RBFOX1: variants seen among roughly 807,000 people sequenced by gnomAD.
The protein encoded by RBFOX1 is RNA binding protein fox-1 homolog 1.
A neutral mutation model predicts 57.7 loss-of-function variants in RBFOX1; 8 were observed. The ratio of observed to expected loss-of-function variants is 0.14; its 90% CI spans 0.08 to 0.25. The LOEUF is 0.25. Among genes scored for constraint, RBFOX1 ranks in the 10% least tolerant of loss-of-function variants. RBFOX1 has a pLI of 1.00. For missense variants in RBFOX1, 611 were observed against 548.5 expected (o/e 1.11, Z -1.14); for synonymous variants, 326 against 222.4 (o/e 1.47, Z -4.15).
intron 2 of RBFOX1, among the ~76,000 whole-genome samples, chr16:6,445,024 A>C (rs936914421): frequency 7.9e-5 from 12 of 152,006 alleles, no homozygotes; most frequent in Non-Finnish European, 1.3e-4. Flanking sequence ...TCCAGGCAGG[A>C]GATGATGAGA....
At chr16:6,519,439 G>A (rs904702366) in intron 2 of RBFOX1, among the ~76,000 whole-genome samples, 1 of 152,142 alleles carries the variant, frequency 6.6e-6, no homozygotes, top group South Asian at 2.1e-4. Flanking sequence ...AGTGGCTCAT[G>A]GCTGTAATCC....
At chr16:6,693,389 A>G (rs951782540) in intron 3 of RBFOX1, among the ~76,000 whole-genome samples, 6 of 151,054 alleles carry the variant, frequency 4.0e-5, no homozygotes, top group Non-Finnish European at 8.8e-5. Context: ...CTCCACTAGA[A>G]TCACCATCCC....
intron 4 of RBFOX1, among the ~76,000 whole-genome samples, chr16:7,407,337 A>G (rs565488905): frequency 1.3e-5 from 2 of 151,680 alleles, no homozygotes; most frequent in Non-Finnish European, 1.5e-5. Context: ...AAAGTAAAGG[A>G]AAAGCATAGA....
At chr16:7,049,113 C>A (rs1458156828) in intron 3 of RBFOX1, among the ~76,000 whole-genome samples, 3 of 152,108 alleles carry the variant, frequency 2.0e-5, no homozygotes, top group Admixed American at 2.0e-4. Context: ...GTGATTTTCC[C>A]AAATTATTTT....
At chr16:6,445,166 G>C (rs939738083) in intron 2 of RBFOX1, among the ~76,000 whole-genome samples, 12 of 152,102 alleles carry the variant, frequency 7.9e-5, no homozygotes, top group Admixed American at 2.0e-4. Context: ...GATCAGCAGG[G>C]AACATGAGAA....
chr16:5,758,252 GA>G (rs372478023), intron 3 of RBFOX1, among the ~76,000 whole-genome samples: 20 of 152,262 alleles, frequency 1.3e-4, no homozygotes, highest in Non-Finnish European at 2.5e-4. Context: ...TTCATGGGGG[GA>G]AAAAGTTGAA....
At chr16:6,202,612 T>C (rs532002811) in intron 1 of RBFOX1, among the ~76,000 whole-genome samples, 9 of 152,226 alleles carry the variant, frequency 5.9e-5, no homozygotes, top group Admixed American at 3.9e-4. Flanking sequence ...TTTATTGAGG[T>C]ATAATTGGTA....
chr16:6,007,489 A>C (rs2094934639), intron 4 of RBFOX1, among the ~76,000 whole-genome samples: 1 of 152,168 alleles, frequency 6.6e-6, no homozygotes, highest in South Asian at 2.1e-4. Context: ...TGACATGTTG[A>C]TTCCAGCCTT....
intron 3 of RBFOX1, among the ~76,000 whole-genome samples, chr16:6,676,127 GAC>G (rs750878616): frequency 3.2e-5 from 4 of 125,492 alleles, no homozygotes; most frequent in African/African-American, 6.4e-5. Flanking sequence ...CTGCCTAGGG[GAC>G]ACACACACAC....
chr16:5,746,924 C>G (rs1219757055), intron 3 of RBFOX1, among the ~76,000 whole-genome samples: 1 of 152,116 alleles, frequency 6.6e-6, no homozygotes, highest in Non-Finnish European at 1.5e-5. Context: ...AATTGAATAC[C>G]CTTTATTTCC....
chr16:5,448,872 C>G (rs1444675323), intron 1 of RBFOX1, among the ~76,000 whole-genome samples: 1 of 152,084 alleles, frequency 6.6e-6, no homozygotes, highest in East Asian at 1.9e-4. Context: ...ATTTTTATTC[C>G]TAAAGCTGGC....
intron 3 of RBFOX1, among the ~76,000 whole-genome samples, chr16:6,737,575 T>G (rs1379011804): frequency 6.6e-6 from 1 of 152,204 alleles, no homozygotes; most frequent in Non-Finnish European, 1.5e-5. Flanking sequence ...ACTCTGCTTC[T>G]AGGATGTGTT....
At chr16:5,294,242 A>G (rs561992464) in intron 1 of RBFOX1, among the ~76,000 whole-genome samples, 1 of 152,232 alleles carries the variant, frequency 6.6e-6, no homozygotes, top group South Asian at 2.1e-4. Flanking sequence ...AACAAAAAAC[A>G]AGAAACACAC....
intron 3 of RBFOX1, among the ~76,000 whole-genome samples, chr16:6,765,882 C>T (rs987797575): frequency 3.3e-5 from 5 of 152,174 alleles, no homozygotes; most frequent in East Asian, 1.9e-4. Flanking sequence ...ACTCTGAAAT[C>T]AAAAAGCAAA....
chr16:5,395,596 C>A (rs961662381), intron 1 of RBFOX1, among the ~76,000 whole-genome samples: 1 of 152,142 alleles, frequency 6.6e-6, no homozygotes, highest in African/African-American at 2.4e-5. Context: ...TTCAGGTGGT[C>A]CTTAGGATCT....
Position 6,428,764 on chromosome 16 carries a change from A to G in RBFOX1, c.-64+111707A>G, listed in dbSNP as rs143413096. On this transcript the variant is annotated intron_variant, in intron 2 of 15. Coordinates refer to ENST00000550418, the MANE Select transcript of RBFOX1 (RefSeq NM_018723.4). ...ATGCTCATCTATATAGTTCTTTGATATAATCATTTTTATTCTATATAATAC... is the reference window on the plus strand; with the variant it reads ...ATGCTCATCTATATAGTTCTTTGATGTAATCATTTTTATTCTATATAATAC... 1.3e-3 allele frequency among the ~76,000 whole-genome samples: 200 copies of G among 152,368 alleles called. 1 individual carries two copies. Among genetic ancestry groups the G allele is most frequent in the African/African-American group, 4.7e-3 (196 of 41,586 alleles).
intron 6 of RBFOX1, among the ~76,000 whole-genome samples, chr16:7,581,959 C>G (rs2152851981): frequency 6.6e-6 from 1 of 152,144 alleles, no homozygotes; most frequent in East Asian, 1.9e-4. Flanking sequence ...TCAAGCAACC[C>G]TCCCGCCTTG....
chr16:7,145,055 T>C (rs553104543), intron 4 of RBFOX1, among the ~76,000 whole-genome samples: 2 of 152,328 alleles, frequency 1.3e-5, no homozygotes, highest in African/African-American at 4.8e-5. Flanking sequence ...CGGATGTGAC[T>C]GGTCTGCTCT....
In RBFOX1 at chr16:5,449,733, C is replaced by T. The variant is rs141803539; in HGVS notation, c.220-17483C>T. 2.9e-3 allele frequency among the ~76,000 whole-genome samples: 445 copies of T among 152,224 alleles called. 3 individuals carry two copies. Among genetic ancestry groups the T allele is most frequent in the African/African-American group, 9.7e-3 (404 of 41,544 alleles). ...AAGTGATCCTCCCACCTCAGCCCCC[C>T]GAGTAGATGGAAACACAGATGTATG... is the stretch of plus-strand genomic sequence containing the variant. On this transcript the variant is annotated intron_variant, in intron 1 of 2. Coordinates refer to the RBFOX1 transcript ENST00000585867.
Sources: allele counts gnomAD v4.1 joint callset (sites outside exome capture counted in the v4.1 genomes callset), GRCh38; gene constraint gnomAD v4.1.1; transcripts MANE v1.5; gene names NCBI Gene and HGNC (gene_info 2026-07-23, HGNC 2026-07-21).